PVT1: variants seen among roughly 807,000 people sequenced by gnomAD.
PVT1 encodes Pvt1 oncogene, also known as CXCR4/PVT1 fusion.
At chr8:128,071,139 C>A (rs1813982325) in intron 5 of PVT1, among the ~76,000 whole-genome samples, 1 of 152,186 alleles carries the variant, frequency 6.6e-6, no homozygotes. Flanking sequence ...AGACATGAGA[C>A]CCATTTCCAC....
chr8:127,817,475 A>G lies in PVT1; in HGVS notation n.372+21404A>G, dbSNP rs867451770. Among the ~76,000 whole-genome samples, 407 of 95,218 alleles carry G rather than the reference A, an allele frequency of 4.3e-3. 8 individuals carry two copies. The highest frequency in any genetic ancestry group is 0.018 in the South Asian group (53 of 2,952). The allele number at this position is 95,218 out of a possible 152,430, so 62.5% of individuals were successfully genotyped here. ...CCCTTAGGGAAATATATATATATAT[A>G]TGTGTGTGTGTGTGTGTATATACAT... On this transcript the variant is annotated intron_variant and non_coding_transcript_variant, in intron 2 of 10. Coordinates refer to ENST00000651587, the Ensembl canonical transcript of PVT1.
rs145885392 is a variant in PVT1 at position 127,953,584 on chromosome 8, A to AC, written n.783-35574dup. Among the ~76,000 whole-genome samples the AC allele has an allele frequency of 3.1e-3, 474 of 152,216 alleles. 10 individuals carry two copies. In the East Asian group the frequency reaches 0.033, roughly 10 times the overall value. The stretch of plus-strand genomic sequence containing the variant: ...CTCTGGTAGCAACAGCACTATCCAC[A>AC]CCCCTCCCAAATTAACCATGAGATA... On this transcript the variant is annotated intron_variant and non_coding_transcript_variant, in intron 3 of 10. Coordinates refer to ENST00000651587, the Ensembl canonical transcript of PVT1.
At chr8:128,099,024 TGTTCATTACTACAG>T (rs1469921817) in intron 6 of PVT1, among the ~76,000 whole-genome samples, 2 of 152,230 alleles carry the variant, frequency 1.3e-5, no homozygotes, top group African/African-American at 4.8e-5. Flanking sequence ...CCTTACTACA[TGTTCATTACTACAG>T]GTTCATTACC....
chr8:127,799,212 G>A (rs976365839), intron 2 of PVT1, among the ~76,000 whole-genome samples: 6 of 151,818 alleles, frequency 4.0e-5, no homozygotes, highest in African/African-American at 1.4e-4. Context: ...GAACAGGGGC[G>A]TCTAAGTGCC....
chr8:127,985,037 TCCTTC>T (rs1816947766), intron 3 of PVT1, among the ~76,000 whole-genome samples: 2 of 76,088 alleles, frequency 2.6e-5, no homozygotes. Flanking sequence ...TTCCTTCCTT[TCCTTC>T]TTTTTTTTTT....
At chr8:127,868,787 A>ATATATATATG in intron 2 of PVT1, among the ~76,000 whole-genome samples, 1 of 75,164 alleles carries the variant, frequency 1.3e-5, no homozygotes, top group African/African-American at 1.2e-4. Context: ...ATATATATAT[A>ATATATATATG]TATATACATA....
chr8:127,987,153 A>G (rs565259355), intron 3 of PVT1, among the ~76,000 whole-genome samples: 78 of 152,334 alleles, frequency 5.1e-4, no homozygotes, highest in African/African-American at 1.8e-3. Flanking sequence ...CCTTAGTGAA[A>G]TGTCCTCTAC....
chr8:127,804,538 A>G lies in PVT1; in HGVS notation n.372+8467A>G, dbSNP rs1020297688. ...ATCATAGTGTATATGTTGCATCCTG[A>G]TTTTTTTTTTTTTTTTTTTTGAGAC... is the stretch of plus-strand genomic sequence containing the variant. On this transcript the variant is annotated intron_variant and non_coding_transcript_variant, in intron 2 of 10. Transcript: ENST00000651587. Among the ~76,000 whole-genome samples the G allele has an allele frequency of 3.9e-3, 437 of 112,688 alleles. 2 individuals carry two copies. The highest frequency in any genetic ancestry group is 0.014 in the African/African-American group (411 of 28,868). 73.9% of individuals were successfully genotyped at this position (112,688 alleles called of 152,430 possible).
intron 4 of PVT1, among the ~76,000 whole-genome samples, chr8:128,054,574 T>C (rs964076259): frequency 6.6e-6 from 1 of 152,208 alleles, no homozygotes; most frequent in African/African-American, 2.4e-5. Context: ...ATGGCCTGCT[T>C]CAACTGTGTC....
intron 4 of PVT1, among the ~76,000 whole-genome samples, chr8:128,017,325 C>T (rs1165249515): frequency 6.6e-6 from 1 of 152,208 alleles, no homozygotes; most frequent in Non-Finnish European, 1.5e-5. Context: ...GCAGAAATGA[C>T]CACAGAAGAA....
intron 4 of PVT1, among the ~76,000 whole-genome samples, chr8:128,031,089 G>C (rs1813381650): frequency 6.6e-6 from 1 of 152,228 alleles, no homozygotes; most frequent in Admixed American, 6.5e-5. Context: ...AGCTCTGCCT[G>C]TCACACTGGG....
At chr8:128,085,945 C>T (rs1056334038) in intron 5 of PVT1, among the ~76,000 whole-genome samples, 12 of 152,148 alleles carry the variant, frequency 7.9e-5, no homozygotes, top group African/African-American at 2.4e-4. Context: ...CTGTTTTATA[C>T]GATAAAACAC....
chr8:127,836,383 G>A (rs1227613448), intron 2 of PVT1, among the ~76,000 whole-genome samples: 1 of 152,142 alleles, frequency 6.6e-6, no homozygotes, highest in Non-Finnish European at 1.5e-5. Flanking sequence ...ATGGTGGTTT[G>A]CTGCACCTAT....
At chr8:127,904,378 A>C (rs923073432) in intron 3 of PVT1, among the ~76,000 whole-genome samples, 6 of 30,850 alleles carry the variant, frequency 1.9e-4, no homozygotes, top group African/African-American at 9.7e-4. Context: ...GCTGAATTTG[A>C]CTGCCCCTGG....
chr8:127,948,851 G>A (rs60975849), intron 3 of PVT1: 38,534 of 152,190 alleles, frequency 0.25, 5,874 homozygotes, highest in Middle Eastern at 0.33. Flanking sequence ...AAAATTTGTT[G>A]TAGCAGCCCT....
chr8:128,077,638 T>G (rs1275062701), intron 5 of PVT1, among the ~76,000 whole-genome samples: 2 of 152,154 alleles, frequency 1.3e-5, no homozygotes, highest in East Asian at 3.8e-4. Context: ...ACATGATAAA[T>G]TCGTTTTTTA....
chr8:128,003,687 T>C (rs1817213041), intron 4 of PVT1, among the ~76,000 whole-genome samples: 3 of 152,252 alleles, frequency 2.0e-5, no homozygotes. Context: ...ATTATAATAA[T>C]AATATAGGCA....
At chr8:127,800,648 G>T (rs1262403829) in intron 2 of PVT1, among the ~76,000 whole-genome samples, 2 of 151,944 alleles carry the variant, frequency 1.3e-5, no homozygotes, top group Non-Finnish European at 2.9e-5. Context: ...TATCTTCCTA[G>T]TATACCATAT....
intron 3 of PVT1, among the ~76,000 whole-genome samples, chr8:127,920,198 AT>A (rs1816040346): frequency 1.3e-5 from 2 of 152,210 alleles, no homozygotes; most frequent in African/African-American, 2.4e-5. Context: ...ATAATCAGTC[AT>A]TTACTGATGG....
Sources: gnomAD v4.1 joint callset for allele counts (sites outside exome capture counted in the v4.1 genomes callset) on GRCh38, gnomAD v4.1.1 for gene constraint, MANE v1.5 for transcripts, NCBI Gene and HGNC (gene_info 2026-07-23, HGNC 2026-07-21) for gene names.